Variants in INPP5F observed in about 807,000 individuals in gnomAD.
INPP5F encodes inositol polyphosphate-5-phosphatase F.
A neutral mutation model predicts 137.2 loss-of-function variants in INPP5F; 97 were observed. That is an observed-to-expected ratio of 0.71 (90% CI 0.60 to 0.84). The LOEUF is 0.84. Among genes scored for constraint, INPP5F ranks in the 40% least tolerant of loss-of-function variants. The probability of loss-of-function intolerance (pLI) is 0.00; values close to 1 mark genes in which losing one functional copy is unlikely to be tolerated. For missense variants in INPP5F, 1,271 were observed against 1,371.9 expected (o/e 0.93, Z 1.16); for synonymous variants, 504 against 476.9 (o/e 1.06, Z -0.74).
chr10:119,751,146 A>G lies in INPP5F; in HGVS notation c.168A>G (p.Gln56=), dbSNP rs1415492519. The change falls in exon 2 of 20, where the codon CAA becomes CAG. Residue 56 remains glutamine (Q), a synonymous_variant. Transcript: ENST00000650623. ...TAGAAGGTGTTATTGGGAAAATTCA[A>G]CTTCATTCAGGTATGTTTCTATAAA... is the stretch of plus-strand genomic sequence containing the variant. ...GLVEGVIGKI[Q]LHSDLPWWLI... is the part of the protein sequence containing the mutation. 4.4e-6 allele frequency: 7 copies of G among 1,599,612 alleles called. No homozygotes were observed. The highest frequency in any genetic ancestry group is 1.6e-4 in the Middle Eastern group (1 of 6,062).
intron 1 of INPP5F, 72 bp downstream of exon 1, chr10:119,726,431 T>A: frequency 2.4e-5 from 20 of 843,194 alleles, no homozygotes; most frequent in Non-Finnish European, 2.8e-5. Flanking sequence ...GCCGGACCCC[T>A]CAGCCGGGCG....
chr10:119,737,053 C>T (rs993135507), intron 1 of INPP5F, among the ~76,000 whole-genome samples: 7 of 151,972 alleles, frequency 4.6e-5, no homozygotes, highest in African/African-American at 1.2e-4. Context: ...GGTCTCAAAC[C>T]CCTGGGCTCA....
Position 119,827,021 on chromosome 10 carries a change from G to C in INPP5F, c.2640G>C (p.Glu880Asp). Residue 880 changes from glutamate to aspartate, a missense_variant, in exon 20 of 20, where the codon GAG becomes GAC. Physicochemically the swap from Glu to Asp is conservative, Grantham distance 45. Around this residue, in one of 6 missense-constraint regions of INPP5F, gnomAD observed 490 missense variants for 443.7 expected, o/e 1.10. Coordinates refer to ENST00000650623, the MANE Select transcript of INPP5F (RefSeq NM_014937.4). ...ACAGGCAGCTAGCTAACTCATTAGAGAGTGTAGGGCCAATAGATTACGTTC... is the reference window on the plus strand; with the variant it reads ...ACAGGCAGCTAGCTAACTCATTAGACAGTGTAGGGCCAATAGATTACGTTC... ...DEDRQLANSLESVGPIDYVLP... is the reference protein window; with the variant it reads ...DEDRQLANSLDSVGPIDYVLP... The C allele has an allele frequency of 6.2e-7, 1 of 1,614,162 alleles. No individual in the cohort carries two copies.
intron 1 of INPP5F, among the ~76,000 whole-genome samples, chr10:119,742,152 C>CTTATTAAT (rs1848394031): frequency 1.3e-5 from 2 of 150,106 alleles, no homozygotes; most frequent in Admixed American, 6.6e-5. Flanking sequence ...TGTTATTTTA[C>CTTATTAAT]TTATTTATTT....
intron 2 of INPP5F, among the ~76,000 whole-genome samples, chr10:119,778,921 C>G (rs1377998195): frequency 1.3e-5 from 2 of 152,102 alleles, no homozygotes; most frequent in African/African-American, 4.8e-5. Context: ...TACCGTTGTT[C>G]TAAGAGTCAG....
At chr10:119,804,512 T>G (rs1409276311) in intron 10 of INPP5F, among the ~76,000 whole-genome samples, 1 of 152,220 alleles carries the variant, frequency 6.6e-6, no homozygotes, top group Non-Finnish European at 1.5e-5. Context: ...ACAGTCGTTC[T>G]GTTCCAGAAG....
At chr10:119,731,002 T>C (rs192676087) in intron 1 of INPP5F, among the ~76,000 whole-genome samples, 260 of 152,164 alleles carry the variant, frequency 1.7e-3, no homozygotes, top group African/African-American at 6.1e-3. Flanking sequence ...TTGGCCAGGA[T>C]GCTCTCGATC....
intron 2 of INPP5F, among the ~76,000 whole-genome samples, chr10:119,777,801 A>G (rs758103412): frequency 3.3e-5 from 5 of 152,108 alleles, no homozygotes; most frequent in Non-Finnish European, 5.9e-5. Context: ...TTTAATGATA[A>G]TAGGGAAATG....
intron 1 of INPP5F, among the ~76,000 whole-genome samples, chr10:119,739,775 G>A (rs964469101): frequency 4.0e-5 from 6 of 151,708 alleles, no homozygotes; most frequent in African/African-American, 1.5e-4. Context: ...AACTACAGGT[G>A]CCTGGCTAAT....
At chr10:119,738,361 A>G (rs1382081181) in intron 1 of INPP5F, among the ~76,000 whole-genome samples, 1 of 152,186 alleles carries the variant, frequency 6.6e-6, no homozygotes, top group Admixed American at 6.5e-5. Flanking sequence ...GCCACATTAG[A>G]GTATACCTTC....
At chr10:119,804,432 C>A (rs1850696348) in intron 10 of INPP5F, 135 bp downstream of exon 10, 3 of 757,464 alleles carry the variant, frequency 4.0e-6, no homozygotes, top group Non-Finnish European at 6.0e-6. Flanking sequence ...GGGTATCATT[C>A]ATTTACTTTG....
chr10:119,802,699 G>A lies in INPP5F; in HGVS notation c.1117-1474G>A, dbSNP rs1589732794. On this transcript the variant is annotated intron_variant, in intron 9 of 19. Transcript: ENST00000650623. ...TTTATATATTTTGGGATACTTGTAT[G>A]TTTTATAGAATAAATTTATGGAAAT... 3.3e-5 allele frequency among the ~76,000 whole-genome samples: 5 copies of A among 152,210 alleles called. No homozygotes were observed. In the South Asian group the frequency reaches 1.0e-3, roughly 32 times the overall value.
Position 119,822,523 on chromosome 10 carries a change from A to G in INPP5F, c.2032+19A>G. ...GAAATAGGTAAGTTTTAACATACTA[A>G]TCAAGTCATCAAAAGCAAATGCTGT... On this transcript the variant is annotated intron_variant, in intron 17 of 19. Transcript: ENST00000650623. 2.5e-6 allele frequency: 3 copies of G among 1,191,592 alleles called. No homozygotes were observed. The South Asian group carries it at 4.2e-5, about 17-fold the overall frequency. 73.8% of individuals were successfully genotyped at this position (1,191,592 alleles called of 1,614,324 possible). A position where few individuals can be genotyped will look rare whatever the true frequency, so the allele number is the denominator to read the frequency against.
At chr10:119,799,460 C>G in intron 9 of INPP5F, 1 of 224,716 alleles carries the variant, frequency 4.5e-6, no homozygotes, top group Non-Finnish European at 9.1e-6. Context: ...GAAGGGAAGT[C>G]TCAATATTAA....
intron 1 of INPP5F, among the ~76,000 whole-genome samples, chr10:119,750,644 T>C (rs940787260): frequency 6.6e-6 from 1 of 152,222 alleles, no homozygotes; most frequent in African/African-American, 2.4e-5. Flanking sequence ...CTTTGTTTGG[T>C]ATAAGCATCT....
At position 119,794,749 on chromosome 10, in the gene INPP5F, A is replaced by C. The variant is rs866171844; in HGVS notation, c.670-1966A>C. ...GGCGGCTGGCCAGGTGGGGGGGCTG[A>C]CCCCCCCACCTCCCTCCCGGACGGG... On this transcript the variant is annotated intron_variant, in intron 6 of 19. Transcript: ENST00000650623. Among the ~76,000 whole-genome samples the C allele has an allele frequency of 1.8e-3, 78 of 43,250 alleles. 1 individual carries two copies. The highest frequency in any genetic ancestry group is 6.1e-3 in the African/African-American group (70 of 11,486). The allele number at this position is 43,250 out of a possible 152,430, so 28.4% of individuals were successfully genotyped here.
Position 119,726,172 on chromosome 10 carries a change from C to T in INPP5F, c.-91C>T. The T allele has an allele frequency of 1.3e-6, 1 of 773,356 alleles. No homozygotes were observed. The highest frequency in any genetic ancestry group is 1.8e-6 in the Non-Finnish European group (1 of 555,948). The allele number at this position is 773,356 out of a possible 1,614,324, so 47.9% of individuals were successfully genotyped here. A position where few individuals can be genotyped will look rare whatever the true frequency, so the allele number is the denominator to read the frequency against. ...TCGGCGCGGTTCCTACCCGGCCGCT[C>T]CCCGAGGCGCGGGCTCTGGCGGCCT... On this transcript the variant is annotated 5_prime_UTR_variant, in exon 1 of 20. Coordinates refer to ENST00000650623, the MANE Select transcript of INPP5F (RefSeq NM_014937.4).
chr10:119,731,085 C>T (rs970606997), intron 1 of INPP5F, among the ~76,000 whole-genome samples: 5 of 152,022 alleles, frequency 3.3e-5, no homozygotes, highest in African/African-American at 1.2e-4. Context: ...CCGCGCCTGG[C>T]CTGAACAATT....
intron 1 of INPP5F, among the ~76,000 whole-genome samples, chr10:119,735,748 AAT>A (rs1460608939): frequency 6.6e-6 from 1 of 152,190 alleles, no homozygotes; most frequent in South Asian, 2.1e-4. Context: ...GCACCTTTCA[AAT>A]ACTTTTCTTG....
Sources: allele counts gnomAD v4.1 joint callset (sites outside exome capture counted in the v4.1 genomes callset), GRCh38; gene constraint gnomAD v4.1.1; regional missense constraint gnomAD v4.1.1; transcripts MANE v1.5; gene names NCBI Gene and HGNC (gene_info 2026-07-23, HGNC 2026-07-21).